Variants in GUCY1A2 observed in about 807,000 individuals in gnomAD.
GUCY1A2 encodes the protein guanylate cyclase 1 soluble subunit alpha 2, also known as guanylate cyclase soluble subunit alpha-2.
GUCY1A2 carries 27 observed loss-of-function variants against 63.5 expected under a neutral mutation model. The observed-to-expected ratio is 0.43, with a 90% confidence interval of 0.31 to 0.59. The LOEUF is 0.59. GUCY1A2 is among the 20% of genes least tolerant of loss of function. The pLI is 0.11. For missense variants in GUCY1A2, 768 were observed against 913.3 expected, an observed-to-expected ratio of 0.84 and a Z score of 2.05; for synonymous variants, 364 against 343.5, an observed-to-expected ratio of 1.06 and a Z score of -0.66.
chr11:106,891,104 A>G (rs988112646), intron 4 of GUCY1A2, among the ~76,000 whole-genome samples: 12 of 151,864 alleles, frequency 7.9e-5, no homozygotes, highest in African/African-American at 2.9e-4. Flanking sequence ...GCAAAGTAAG[A>G]GAGTTCAATT....
intron 4 of GUCY1A2, among the ~76,000 whole-genome samples, chr11:106,877,859 A>T (rs1437193361): frequency 1.3e-5 from 2 of 152,150 alleles, no homozygotes; most frequent in Non-Finnish European, 2.9e-5. Context: ...ATGAGAGAAA[A>T]TTTTTGCAAA....
chr11:106,841,591 G>A (rs1337029903), intron 4 of GUCY1A2, among the ~76,000 whole-genome samples: 1 of 151,910 alleles, frequency 6.6e-6, no homozygotes, highest in African/African-American at 2.4e-5. Flanking sequence ...ATAGTTCTCT[G>A]AGGGAGGGAC....
At chr11:106,936,749 A>C (rs1591334305) in intron 4 of GUCY1A2, 2 of 1,241,552 alleles carry the variant, frequency 1.6e-6, no homozygotes, top group Non-Finnish European at 2.3e-6. Flanking sequence ...GTAGTGGTTC[A>C]TTGGTATTAA....
Position 106,680,777 on chromosome 11 carries a change from A to G in GUCY1A2, c.*6772T>C, listed in dbSNP as rs1862419618. 2.4e-5 allele frequency: 5 copies of G among 207,638 alleles called. No individual in the cohort carries two copies. Among genetic ancestry groups the G allele is most frequent in the Non-Finnish European group, 4.9e-5 (5 of 101,780 alleles). 12.9% of individuals were successfully genotyped at this position (207,638 alleles called of 1,614,324 possible). A position where few individuals can be genotyped will look rare whatever the true frequency, so the allele number is the denominator to read the frequency against. On this transcript the variant is annotated 3_prime_UTR_variant, in exon 8 of 8. Transcript: ENST00000526355. ...TTTGCTATGAGTAATAGAAAGGTAA[A>G]GACAAAATATCGAACACACCCACCA...
At chr11:106,924,037 T>C (rs1012311836) in intron 4 of GUCY1A2, among the ~76,000 whole-genome samples, 4 of 152,188 alleles carry the variant, frequency 2.6e-5, no homozygotes, top group Non-Finnish European at 5.9e-5. Context: ...CAAGATGATA[T>C]TAGGAATTTT....
At chr11:106,813,092 C>T (rs1240948905) in intron 4 of GUCY1A2, among the ~76,000 whole-genome samples, 1 of 151,952 alleles carries the variant, frequency 6.6e-6, no homozygotes, top group African/African-American at 2.4e-5. Flanking sequence ...ATAAGAACTA[C>T]ATATTTGTAT....
At chr11:106,911,048 T>C (rs924099726) in intron 4 of GUCY1A2, among the ~76,000 whole-genome samples, 1 of 151,352 alleles carries the variant, frequency 6.6e-6, no homozygotes. Context: ...GTTCAGTAAG[T>C]ATGTATTAAA....
At chr11:106,990,590 T>G (rs1409810139) in intron 1 of GUCY1A2, among the ~76,000 whole-genome samples, 1 of 152,220 alleles carries the variant, frequency 6.6e-6, no homozygotes, top group African/African-American at 2.4e-5. Context: ...TCTCTCTGTG[T>G]GTGTGTGTGT....
intron 4 of GUCY1A2, among the ~76,000 whole-genome samples, chr11:106,841,747 C>T (rs1483009281): frequency 2.6e-5 from 4 of 151,916 alleles, no homozygotes; most frequent in Non-Finnish European, 4.4e-5. Context: ...TCTGCTACAT[C>T]TCACTATGTC....
intron 4 of GUCY1A2, among the ~76,000 whole-genome samples, chr11:106,896,748 C>G (rs1860055292): frequency 6.6e-6 from 1 of 152,150 alleles, no homozygotes; most frequent in South Asian, 2.1e-4. Flanking sequence ...GAGAGCATCC[C>G]TCGCCAGACA....
At chr11:106,861,010 G>T (rs1418764543) in intron 4 of GUCY1A2, among the ~76,000 whole-genome samples, 1 of 151,894 alleles carries the variant, frequency 6.6e-6, no homozygotes, top group African/African-American at 2.4e-5. Context: ...ATGAGAAGAA[G>T]ATTATTTGCT....
At chr11:106,994,137 T>C (rs1861505800) in intron 1 of GUCY1A2, among the ~76,000 whole-genome samples, 1 of 152,178 alleles carries the variant, frequency 6.6e-6, no homozygotes. Context: ...AATTGACCCA[T>C]CTGGGGATTC....
At chr11:106,706,016 T>A (rs527997202) in intron 7 of GUCY1A2, among the ~76,000 whole-genome samples, 1 of 152,170 alleles carries the variant, frequency 6.6e-6, no homozygotes, top group Non-Finnish European at 1.5e-5. Flanking sequence ...TATGGTAGGA[T>A]CATGGATATT....
At chr11:106,861,831 A>C (rs774867459) in intron 4 of GUCY1A2, among the ~76,000 whole-genome samples, 55 of 152,096 alleles carry the variant, frequency 3.6e-4, no homozygotes, top group Admixed American at 7.9e-4. Context: ...TCCCTTAACA[A>C]CACTTATCAT....
intron 7 of GUCY1A2, 102 bp downstream of exon 7, chr11:106,708,410 G>T: frequency 1.1e-6 from 1 of 896,406 alleles, no homozygotes; most frequent in Non-Finnish European, 1.7e-6. Context: ...TAATATCTTG[G>T]AGAATGACAG....
At chr11:106,940,997 T>A (rs1860745605) in intron 3 of GUCY1A2, among the ~76,000 whole-genome samples, 1 of 152,088 alleles carries the variant, frequency 6.6e-6, no homozygotes, top group African/African-American at 2.4e-5. Context: ...GGGATAGGCA[T>A]CAAGCTATCT....
At chr11:106,967,645 A>G (rs1325523042) in intron 3 of GUCY1A2, among the ~76,000 whole-genome samples, 1 of 149,294 alleles carries the variant, frequency 6.7e-6, no homozygotes, top group African/African-American at 2.4e-5. Flanking sequence ...CTAAGCCAGC[A>G]GTTATCAGCA....
At chr11:106,989,351 A>ATT (rs200374000) in intron 1 of GUCY1A2, among the ~76,000 whole-genome samples, 13 of 149,246 alleles carry the variant, frequency 8.7e-5, no homozygotes, top group Admixed American at 2.7e-4. Flanking sequence ...TGCGTACCTT[A>ATT]TTTTTTTTTT....
chr11:106,827,228 T>C, intron 4 of GUCY1A2: 1 of 1,535,438 alleles, frequency 6.5e-7, no homozygotes, highest in South Asian at 1.1e-5. Flanking sequence ...GATTTGCTTC[T>C]AGCTTCCTTT....
Sources: gnomAD v4.1 joint callset for allele counts (sites outside exome capture counted in the v4.1 genomes callset) on GRCh38, gnomAD v4.1.1 for gene constraint, MANE v1.5 for transcripts, NCBI Gene and HGNC (gene_info 2026-07-23, HGNC 2026-07-21) for gene names.